The following KIAA1614 variants were observed in gnomAD, a reference collection of about 807,000 sequenced individuals.
The protein encoded by KIAA1614 is uncharacterized protein KIAA1614.
A neutral mutation model predicts 88.7 loss-of-function variants in KIAA1614; 76 were observed. That is an observed-to-expected ratio of 0.86 (90% CI 0.71 to 1.04). The LOEUF (loss-of-function observed/expected upper bound fraction) is 1.04, where lower values mean the gene tolerates loss of function less well. Among genes scored for constraint, KIAA1614 ranks in the 50% least tolerant of loss-of-function variants. The pLI, the probability that KIAA1614 is intolerant of heterozygous loss-of-function variation, is 0.00. For missense variants in KIAA1614, 1,553 were observed against 1,582.5 expected (o/e 0.98, Z 0.32); for synonymous variants, 714 against 675.5 (o/e 1.06, Z -0.88).
At chr1:180,941,006 G>GGGCGCC in intron 6 of KIAA1614, 39 bp from the exon 7 acceptor site, 1 of 908,444 alleles carries the variant, frequency 1.1e-6, no homozygotes, top group Non-Finnish European at 1.5e-6. Flanking sequence ...CACCCTCCCG[G>GGGCGCC]CCCTCCCCCG....
chr1:180,928,234 G>A (rs557754689), intron 3 of KIAA1614, 196 bp from the exon 4 acceptor site: 4 of 610,654 alleles, frequency 6.6e-6, no homozygotes, highest in Non-Finnish European at 8.0e-6. Flanking sequence ...GCCACGCAGG[G>A]CCATTTCCCA....
chr1:180,945,342 G>A lies in KIAA1614; in HGVS notation c.3327G>A (p.Glu1109=). Residue 1109 remains glutamate (E), a synonymous_variant, in exon 9 of 9, where the codon GAG becomes GAA. Transcript: ENST00000367588. ...CACCACGGCGTGCCCTCAGTGTGGAGGACGTGGGTGCTCCCAGCCTGGCTC... is the reference window on the plus strand; with the variant it reads ...CACCACGGCGTGCCCTCAGTGTGGAAGACGTGGGTGCTCCCAGCCTGGCTC... The part of the protein sequence containing the change: ...KTSPRRALSV[E]DVGAPSLART... The A allele has an allele frequency of 6.3e-7, 1 of 1,595,894 alleles. No individual in the cohort carries two copies. Among genetic ancestry groups the A allele is most frequent in the African/African-American group, 1.4e-5 (1 of 73,892 alleles).
intron 7 of KIAA1614, among the ~76,000 whole-genome samples, chr1:180,941,943 T>A (rs1161990224): frequency 2.6e-5 from 4 of 152,172 alleles, no homozygotes; most frequent in Non-Finnish European, 4.4e-5. Flanking sequence ...CCTTCAGGGC[T>A]CTTTCTCCCA....
At chr1:180,918,455 G>A (rs771713505) in intron 3 of KIAA1614, among the ~76,000 whole-genome samples, 15 of 152,188 alleles carry the variant, frequency 9.9e-5, no homozygotes, top group Non-Finnish European at 1.6e-4. Context: ...GACCCACCAA[G>A]GTGTAGCGGG....
At position 180,936,650 on chromosome 1, in the gene KIAA1614, C is replaced by T; in HGVS notation, c.2741C>T (p.Pro914Leu). ...RGPCSREPEP[P>L]LENSRDGGPQ... ...CCCTGCAGCCGGGAACCGGAGCCGCCCCTGGAGAACAGCAGAGATGGTAAG... is the reference window on the plus strand; with the variant it reads ...CCCTGCAGCCGGGAACCGGAGCCGCTCCTGGAGAACAGCAGAGATGGTAAG... The change falls in exon 5 of 9, where the codon CCC (proline) becomes CTC (leucine). Residue 914 changes from proline (P) to leucine (L), a missense_variant. Pro to Leu is a moderately conservative substitution (Grantham distance 98). Coordinates refer to ENST00000367588, the MANE Select transcript of KIAA1614 (RefSeq NM_020950.2). 1 of 1,552,782 alleles carries T rather than the reference C, an allele frequency of 6.4e-7. No individual in the cohort carries two copies. The highest frequency in any genetic ancestry group is 8.7e-7 in the Non-Finnish European group (1 of 1,153,456).
Position 180,924,942 on chromosome 1 carries a change from C to T in KIAA1614, c.1062-3488C>T, listed in dbSNP as rs74657029. ...CATTTGTGGACTCTTACCAAGTGCC[C>T]AGCTCTGTGCTAATCTCTTTTAAAG... On this transcript the variant is annotated intron_variant, in intron 3 of 8. Coordinates refer to ENST00000367588, the MANE Select transcript of KIAA1614 (RefSeq NM_020950.2). Among the ~76,000 whole-genome samples the T allele has an allele frequency of 9.8e-3, 1,126 of 114,316 alleles. 15 individuals carry two copies. Among genetic ancestry groups the T allele is most frequent in the African/African-American group, 0.029 (1,061 of 37,096 alleles). The allele number at this position is 114,316 out of a possible 152,430, so 75.0% of individuals were successfully genotyped here.
intron 6 of KIAA1614, 143 bp from the exon 7 acceptor site, chr1:180,940,902 C>T (rs949674490): frequency 4.2e-6 from 3 of 712,424 alleles, no homozygotes; most frequent in Admixed American, 3.0e-5. Context: ...TTTCTACAGC[C>T]TGGTTGTTAG....
Position 180,913,267 on chromosome 1 carries a change from G to C in KIAA1614, c.24G>C (p.Ala8=). ...GGATGGAGGGGACAGAGGCGGCGGC[G>C]GCCAAACCCGCGGGCGGCAGCCCCC... is the stretch of plus-strand genomic sequence containing the variant. MEGTEAA[A]AKPAGGSPQG... Residue 8 remains alanine (A), a synonymous_variant, in exon 1 of 9, where the codon GCG becomes GCC. Coordinates refer to ENST00000367588, the MANE Select transcript of KIAA1614 (RefSeq NM_020950.2). 2 of 1,259,904 alleles carry C rather than the reference G, an allele frequency of 1.6e-6. No homozygotes were observed. Among genetic ancestry groups the C allele is most frequent in the Non-Finnish European group, 2.0e-6 (2 of 996,778 alleles). The allele number at this position is 1,259,904 out of a possible 1,614,324, so 78.0% of individuals were successfully genotyped here.
rs962721262 is a variant in KIAA1614, at chr1:180,945,154, G to A, written c.3288-149G>A. On this transcript the variant is annotated intron_variant, in intron 8 of 8. Coordinates refer to ENST00000367588, the MANE Select transcript of KIAA1614 (RefSeq NM_020950.2). Reference sequence around the variant, plus strand: ...AACCCACCAGTTTTGGCCCTAGCAGGCTCTTTTTGCTGGCTGAAGTCAGCA... The same window carrying A: ...AACCCACCAGTTTTGGCCCTAGCAGACTCTTTTTGCTGGCTGAAGTCAGCA... 8 of 950,610 alleles carry A rather than the reference G, an allele frequency of 8.4e-6. No homozygotes were observed. The Admixed American group carries it at 2.7e-4, about 33-fold the overall frequency. The allele number at this position is 950,610 out of a possible 1,614,324, so 58.9% of individuals were successfully genotyped here. A position where few individuals can be genotyped will look rare whatever the true frequency, so the allele number is the denominator to read the frequency against.
In KIAA1614 at chr1:180,913,010, C is replaced by A; in HGVS notation, c.-234C>A. Reference sequence around the variant, plus strand: ...GTCCTCTCGCCGGGAGGGAGTGCGGCCCGTGGGGCGCTGCGCCGGCCAGAC... The same window carrying A: ...GTCCTCTCGCCGGGAGGGAGTGCGGACCGTGGGGCGCTGCGCCGGCCAGAC... On this transcript the variant is annotated 5_prime_UTR_variant, in exon 1 of 9. Coordinates refer to ENST00000367588, the MANE Select transcript of KIAA1614 (RefSeq NM_020950.2). The A allele has an allele frequency of 3.7e-6, 1 of 271,338 alleles. No individual in the cohort carries two copies. The highest frequency in any genetic ancestry group is 6.5e-5 in the East Asian group (1 of 15,454). 16.8% of individuals were successfully genotyped at this position (271,338 alleles called of 1,614,324 possible). A position where few individuals can be genotyped will look rare whatever the true frequency, so the allele number is the denominator to read the frequency against.
intron 4 of KIAA1614, among the ~76,000 whole-genome samples, chr1:180,932,635 C>G (rs1326408451): frequency 1.3e-5 from 2 of 152,156 alleles, no homozygotes; most frequent in African/African-American, 4.8e-5. Context: ...CCCAGAGCAG[C>G]CTTTTTAAGC....
intron 6 of KIAA1614, among the ~76,000 whole-genome samples, chr1:180,939,132 G>C (rs1344365148): frequency 6.6e-6 from 1 of 152,170 alleles, no homozygotes; most frequent in East Asian, 1.9e-4. Context: ...GGGGGAGTGG[G>C]GGAAGGGTGG....
intron 4 of KIAA1614, among the ~76,000 whole-genome samples, chr1:180,933,348 G>T (rs1200503017): frequency 6.6e-6 from 1 of 152,210 alleles, no homozygotes. Flanking sequence ...GTATGCACTT[G>T]ACCCTGTGCC....
In KIAA1614 at chr1:180,936,472, T is replaced by C. The variant is rs1307800663; in HGVS notation, c.2563T>C (p.Cys855Arg). The C allele has an allele frequency of 3.1e-6, 5 of 1,613,890 alleles. No individual in the cohort carries two copies. Among genetic ancestry groups the C allele is most frequent in the South Asian group, 1.1e-5 (1 of 91,012 alleles). ...PPSRSAVLRT[C>R]ELPPSQTQPS... is the part of the protein sequence containing the mutation. ...TTCAAGAAGCGCGGTTCTCAGGACC[T>C]GTGAGCTGCCCCCATCACAGACCCA... Residue 855 changes from cysteine to arginine, a missense_variant, in exon 5 of 9, where the codon TGT becomes CGT. By Grantham distance (180) the Cys-to-Arg change is radical. Transcript: ENST00000367588.
chr1:180,926,884 G>A (rs1654081777), intron 3 of KIAA1614, among the ~76,000 whole-genome samples: 1 of 152,228 alleles, frequency 6.6e-6, no homozygotes, highest in African/African-American at 2.4e-5. Context: ...CGGGCCTGGA[G>A]ATTCGCTTTC....
In KIAA1614 at chr1:180,928,413, T is replaced by C. The variant is rs746620924; in HGVS notation, c.1062-17T>C. ...TAATCCCTCCCCCACCACCCTGGCCTGTGTGCCACGCTGCAGGACCGTTGG... is the reference window on the plus strand; with the variant it reads ...TAATCCCTCCCCCACCACCCTGGCCCGTGTGCCACGCTGCAGGACCGTTGG... On this transcript the variant is annotated splice_polypyrimidine_tract_variant and intron_variant, in intron 3 of 8. Transcript: ENST00000367588. 10 of 1,581,566 alleles carry C rather than the reference T, an allele frequency of 6.3e-6. No homozygotes were observed. Among genetic ancestry groups the C allele is most frequent in the Non-Finnish European group, 8.6e-6 (10 of 1,160,588 alleles).
chr1:180,919,405 C>T (rs1036658984), intron 3 of KIAA1614, among the ~76,000 whole-genome samples: 1 of 152,230 alleles, frequency 6.6e-6, no homozygotes. Context: ...TGTTGAGGAG[C>T]GTGACTACAG....
Position 180,935,143 on chromosome 1 carries a change from C to G in KIAA1614, c.1234C>G (p.Pro412Ala), listed in dbSNP as rs1219725921. 7 of 1,451,128 alleles carry G rather than the reference C, an allele frequency of 4.8e-6. No homozygotes were observed. Among genetic ancestry groups the G allele is most frequent in the African/African-American group, 3.0e-5 (2 of 67,340 alleles). The allele number at this position is 1,451,128 out of a possible 1,614,324, so 89.9% of individuals were successfully genotyped here. A position where few individuals can be genotyped will look rare whatever the true frequency, so the allele number is the denominator to read the frequency against. The change falls in exon 5 of 9, where the codon CCC becomes GCC. Residue 412 changes from proline to alanine, a missense_variant. Coordinates refer to ENST00000367588, the MANE Select transcript of KIAA1614 (RefSeq NM_020950.2). The surrounding 1 kb of genome is among the most constrained non-coding windows in gnomAD (Gnocchi z 6.1). Reference sequence around the variant, plus strand: ...TGGCCACAGAAGCCCAGCCCGGGACCCCAGGACGACCCCTGCCTGCAGAGA... The same window carrying G: ...TGGCCACAGAAGCCCAGCCCGGGACGCCAGGACGACCCCTGCCTGCAGAGA... ...RDGHRSPARDPRTTPACRDSL... is the reference protein window; with the variant it reads ...RDGHRSPARDARTTPACRDSL...
intron 7 of KIAA1614, among the ~76,000 whole-genome samples, chr1:180,943,550 C>CTTTTTTTTTTT (rs60128001): frequency 0.056 from 5,482 of 97,838 alleles, 895 homozygotes; most frequent in African/African-American, 0.12. Context: ...GGTAGTAGAT[C>CTTTTTTTTTTT]TTTTTTTTTT....
Sources: allele counts gnomAD v4.1 joint callset (sites outside exome capture counted in the v4.1 genomes callset), GRCh38; gene constraint gnomAD v4.1.1; non-coding constraint Gnocchi (gnomAD v3.1); transcripts MANE v1.5; gene names NCBI Gene and HGNC (gene_info 2026-07-23, HGNC 2026-07-21).